The following OCA2 variants were observed in gnomAD, a reference collection of about 807,000 sequenced individuals.
OCA2 encodes OCA2 melanosomal transmembrane protein, also known as P protein.
In OCA2, 77 loss-of-function variants were observed where a neutral mutation model predicts 100.2. The observed-to-expected ratio is 0.77, with a 90% CI of 0.64 to 0.93. The LOEUF (loss-of-function observed/expected upper bound fraction) is 0.93, where lower values mean the gene tolerates loss of function less well. Ranked by LOEUF, OCA2 falls within the 40% of genes least tolerant of loss-of-function variation. The pLI is 0.00. For synonymous variants in OCA2, 432 were observed against 439.2 expected, an observed-to-expected ratio of 0.98 and a Z score of 0.21; for missense variants, 1,062 against 1,089.1, an observed-to-expected ratio of 0.98 and a Z score of 0.35.
intron 18 of OCA2, among the ~76,000 whole-genome samples, chr15:27,932,811 C>CA (rs898613633): frequency 4.6e-5 from 7 of 152,006 alleles, no homozygotes; most frequent in African/African-American, 1.7e-4. Flanking sequence ...ACAGTCTTTT[C>CA]AAAAATAGTT....
Position 27,871,859 on chromosome 15 carries a change from T to C in OCA2, c.2139+4A>G. The C allele has an allele frequency of 6.3e-7, 1 of 1,584,990 alleles. No homozygotes were observed. Among genetic ancestry groups the C allele is most frequent in the South Asian group, 1.1e-5 (1 of 90,338 alleles). On this transcript the variant is annotated splice_donor_region_variant and intron_variant, in intron 20 of 23. Coordinates refer to ENST00000354638, the MANE Select transcript of OCA2 (RefSeq NM_000275.3). ...AGTGCCTTCTATTATAGCATTTATT[T>C]TACCTTTATTAGCAAAGCAGTTTGT...
intron 23 of OCA2, among the ~76,000 whole-genome samples, chr15:27,781,076 A>C (rs1366805780): frequency 6.6e-6 from 1 of 152,214 alleles, no homozygotes; most frequent in African/African-American, 2.4e-5. Context: ...CTCTAAGCTC[A>C]TTGGACATCT....
chr15:27,955,179 A>G lies in OCA2; in HGVS notation c.1821T>C (p.Asn607=), dbSNP rs2140667749. 5.0e-6 allele frequency: 8 copies of G among 1,612,392 alleles called. No homozygotes were observed. The highest frequency in any genetic ancestry group is 6.8e-6 in the Non-Finnish European group (8 of 1,178,358). The change falls in exon 17 of 24, where the codon AAT becomes AAC. Residue 607 remains asparagine (N), a synonymous_variant. Coordinates refer to ENST00000354638, the MANE Select transcript of OCA2 (RefSeq NM_000275.3). ...ISQEDKNWET[N]IQELQKKHRI... The stretch of plus-strand genomic sequence containing the variant: ...GTACCTTTTTTTGGAGTTCTTGGAT[A>G]TTGGTCTCCCAATTTTTGTCCTCCT...
chr15:27,721,025 C>A, the OCA2 span, among the ~76,000 whole-genome samples: 9 of 152,316 alleles, frequency 5.9e-5, no homozygotes, highest in South Asian at 1.9e-3. Flanking sequence ...CAGCAGCTGG[C>A]ATGCATTCTA....
downstream of OCA2, among the ~76,000 whole-genome samples, chr15:27,754,054 G>A (rs2030171656): frequency 6.6e-6 from 1 of 152,138 alleles, no homozygotes; most frequent in African/African-American, 2.4e-5. Context: ...GTGGCCAGAA[G>A]AACCCTTCCC....
chr15:27,770,280 G>A (rs2031617557), intron 23 of OCA2, among the ~76,000 whole-genome samples: 1 of 152,186 alleles, frequency 6.6e-6, no homozygotes, highest in Non-Finnish European at 1.5e-5. Context: ...CGCGCGCGGG[G>A]CCACGGAGAC....
intron 19 of OCA2, among the ~76,000 whole-genome samples, chr15:27,914,622 A>G (rs1329303012): frequency 6.6e-6 from 1 of 152,144 alleles, no homozygotes; most frequent in Non-Finnish European, 1.5e-5. Flanking sequence ...TCAGCTATAC[A>G]AAAAATACAA....
chr15:27,826,302 A>C (rs1254236428), intron 23 of OCA2, among the ~76,000 whole-genome samples: 1 of 152,166 alleles, frequency 6.6e-6, no homozygotes, highest in Non-Finnish European at 1.5e-5. Flanking sequence ...ATGAGGCAGC[A>C]GTTGATTGCA....
chr15:28,005,254 C>T (rs749231939), intron 9 of OCA2, among the ~76,000 whole-genome samples: 4 of 152,074 alleles, frequency 2.6e-5, no homozygotes, highest in Non-Finnish European at 5.9e-5. Context: ...TGGGGGGTGT[C>T]TTGAACCTAG....
At chr15:27,770,024 T>C (rs1317450832) in intron 23 of OCA2, among the ~76,000 whole-genome samples, 1 of 152,200 alleles carries the variant, frequency 6.6e-6, no homozygotes, top group Admixed American at 6.5e-5. Flanking sequence ...ACTCCTTTTA[T>C]GAGGAAAGGC....
At chr15:27,923,566 A>T (rs1173912126) in intron 19 of OCA2, among the ~76,000 whole-genome samples, 1 of 152,188 alleles carries the variant, frequency 6.6e-6, no homozygotes, top group Non-Finnish European at 1.5e-5. Flanking sequence ...GACTGGTGTG[A>T]GATGGCATTG....
At chr15:27,898,697 C>T (rs1203620847) in intron 19 of OCA2, among the ~76,000 whole-genome samples, 1 of 152,136 alleles carries the variant, frequency 6.6e-6, no homozygotes, top group African/African-American at 2.4e-5. Context: ...AATACTTGGG[C>T]TTTATTTGGG....
At chr15:27,770,894 C>A (rs919999958) in intron 23 of OCA2, among the ~76,000 whole-genome samples, 5 of 43,030 alleles carry the variant, frequency 1.2e-4, no homozygotes, top group Non-Finnish European at 2.6e-4. Flanking sequence ...TCCTTCCCAT[C>A]TCCTTTTCCT....
intron 1 of OCA2, among the ~76,000 whole-genome samples, chr15:28,095,650 G>C (rs2044962515): frequency 6.6e-6 from 1 of 151,698 alleles, no homozygotes; most frequent in African/African-American, 2.4e-5. Flanking sequence ...CAGGGAGGTG[G>C]AGGTGACGGT....
At chr15:27,826,579 A>C (rs2034732039) in intron 23 of OCA2, among the ~76,000 whole-genome samples, 1 of 152,144 alleles carries the variant, frequency 6.6e-6, no homozygotes, top group Admixed American at 6.5e-5. Flanking sequence ...GGTGACTCTT[A>C]GCACACCGAC....
rs2042803367 is a variant in OCA2 at position 28,027,912 on chromosome 15, A to C, written c.474T>G (p.Leu158=). 2.5e-6 allele frequency: 4 copies of C among 1,613,740 alleles called. No homozygotes were observed. The highest frequency in any genetic ancestry group is 3.4e-6 in the Non-Finnish European group (4 of 1,180,004). ...SASASSEKGD[L]LDSPHIRLRL... ...GGAGTCGGATGTGCGGGCTGTCCAG[A>C]AGGTCTCCCTTCTCGGAGGAGGCAG... Residue 158 remains leucine, a synonymous_variant, in exon 4 of 24, where the codon CTT becomes CTG. Transcript: ENST00000354638.
intron 23 of OCA2, among the ~76,000 whole-genome samples, chr15:27,812,346 C>T (rs1400977881): frequency 1.3e-5 from 2 of 152,088 alleles, no homozygotes; most frequent in East Asian, 3.9e-4. Context: ...CTGGGCAAGT[C>T]AGGAGCACAG....
intron 1 of OCA2, among the ~76,000 whole-genome samples, chr15:28,087,680 G>A (rs992324709): frequency 6.6e-5 from 10 of 152,170 alleles, no homozygotes; most frequent in African/African-American, 1.9e-4. Flanking sequence ...CAGGAAAGTC[G>A]AGGCTTCAGT....
chr15:28,069,076 T>G (rs1026552019), intron 2 of OCA2, among the ~76,000 whole-genome samples: 1 of 152,104 alleles, frequency 6.6e-6, no homozygotes, highest in African/African-American at 2.4e-5. Context: ...AACAGAGTAT[T>G]AGAAATTCTA....
Sources: gnomAD v4.1 joint callset for allele counts (sites outside exome capture counted in the v4.1 genomes callset) on GRCh38, gnomAD v4.1.1 for gene constraint, MANE v1.5 for transcripts, NCBI Gene and HGNC (gene_info 2026-07-23, HGNC 2026-07-21) for gene names.